The following CCDC192 variants were observed in gnomAD, a reference collection of about 807,000 sequenced individuals.
CCDC192 encodes coiled-coil domain containing 192.
chr5:127,731,902 C>T (rs1752660421), intron 2 of CCDC192, among the ~76,000 whole-genome samples: 2 of 152,102 alleles, frequency 1.3e-5, no homozygotes, highest in Non-Finnish European at 2.9e-5. Flanking sequence ...ACTATAACAT[C>T]CCAAACAGAA....
At chr5:127,775,040 T>G (rs1755776995) in intron 3 of CCDC192, among the ~76,000 whole-genome samples, 1 of 152,224 alleles carries the variant, frequency 6.6e-6, no homozygotes, top group African/African-American at 2.4e-5. Context: ...TTTATTTCCT[T>G]TTCAGATTGC....
intron 6 of CCDC192, among the ~76,000 whole-genome samples, chr5:127,914,582 C>A (rs1186359322): frequency 6.6e-6 from 1 of 152,026 alleles, no homozygotes. Flanking sequence ...GATTGTGAAC[C>A]TGTACAAATG....
intron 2 of CCDC192, among the ~76,000 whole-genome samples, chr5:127,729,067 T>C (rs1752493794): frequency 6.6e-6 from 1 of 152,094 alleles, no homozygotes; most frequent in South Asian, 2.1e-4. Flanking sequence ...CCACCACGCC[T>C]GGCTAATTTT....
Position 127,875,554 on chromosome 5 carries a change from A to G in CCDC192, c.428A>G (p.Lys143Arg). The G allele has an allele frequency of 2.5e-6, 1 of 398,804 alleles. No individual in the cohort carries two copies. The highest frequency in any genetic ancestry group is 4.4e-6 in the Non-Finnish European group (1 of 225,990). 24.7% of individuals were successfully genotyped at this position (398,804 alleles called of 1,614,324 possible). A position where few individuals can be genotyped will look rare whatever the true frequency, so the allele number is the denominator to read the frequency against. The change falls in exon 6 of 7, where the codon AAG (lysine) becomes AGG (arginine). Residue 143 changes from lysine to arginine, a missense_variant. Coordinates refer to ENST00000514853, the MANE Select transcript of CCDC192 (RefSeq NM_001317938.2). ...TTTTTTAAGAAACTAAAGCATGAAA[A>G]GAAAGTGAAAAAACTACAGACTGAT... ...QLIAQKLKHE[K>R]KVKKLQTDLA...
At chr5:127,776,024 T>C (rs1210707503) in intron 3 of CCDC192, among the ~76,000 whole-genome samples, 3 of 152,224 alleles carry the variant, frequency 2.0e-5, no homozygotes, top group African/African-American at 7.2e-5. Context: ...TACAGACTAA[T>C]ACAGTAAATT....
intron 5 of CCDC192, among the ~76,000 whole-genome samples, chr5:127,846,493 G>T (rs1237021744): frequency 6.6e-6 from 1 of 151,772 alleles, no homozygotes; most frequent in Non-Finnish European, 1.5e-5. Flanking sequence ...TTTTGAGAAG[G>T]AGTTTCACTC....
intron 6 of CCDC192, among the ~76,000 whole-genome samples, chr5:127,889,742 T>G (rs1752676589): frequency 6.6e-6 from 1 of 152,226 alleles, no homozygotes; most frequent in African/African-American, 2.4e-5. Flanking sequence ...CCTACCCCAG[T>G]TGGCACGCTG....
intron 6 of CCDC192, among the ~76,000 whole-genome samples, chr5:127,915,000 A>G (rs1753478355): frequency 6.6e-6 from 1 of 152,194 alleles, no homozygotes; most frequent in Non-Finnish European, 1.5e-5. Flanking sequence ...AAATTACATT[A>G]TTCCTGACAA....
chr5:127,884,159 C>T (rs368976022), intron 6 of CCDC192, among the ~76,000 whole-genome samples: 3 of 151,730 alleles, frequency 2.0e-5, no homozygotes, highest in Admixed American at 6.6e-5. Flanking sequence ...CTAGCTAACA[C>T]GGTGAAACCC....
intron 5 of CCDC192, among the ~76,000 whole-genome samples, chr5:127,828,001 G>A (rs1421894122): frequency 6.6e-6 from 1 of 152,098 alleles, no homozygotes; most frequent in African/African-American, 2.4e-5. Flanking sequence ...CTGCCTCCCA[G>A]GTTCAAGCGA....
intron 3 of CCDC192, among the ~76,000 whole-genome samples, chr5:127,792,745 GAGA>G (rs1252555599): frequency 6.6e-6 from 1 of 151,126 alleles, no homozygotes; most frequent in East Asian, 1.9e-4. Flanking sequence ...GAAGGAAAAG[GAGA>G]AGGAGAAAGA....
rs147871886 is a variant in CCDC192 at position 127,816,374 on chromosome 5, C to T, written c.411+18212C>T. On this transcript the variant is annotated intron_variant, in intron 5 of 6. Coordinates refer to ENST00000514853, the MANE Select transcript of CCDC192 (RefSeq NM_001317938.2). ...TAAGCAAATTTGGGATAAGCTTGTA[C>T]TTAGTTTAGCTTTAGTGGGGCTTCT... is the stretch of plus-strand genomic sequence containing the variant. Among the ~76,000 whole-genome samples the T allele has an allele frequency of 1.2e-4, 19 of 152,242 alleles. No homozygotes were observed. The East Asian group carries it at 2.5e-3, about 20-fold the overall frequency.
intron 5 of CCDC192, among the ~76,000 whole-genome samples, chr5:127,854,224 A>G (rs245190): frequency 0.97 from 146,957 of 152,240 alleles, 70,977 homozygotes; most frequent in East Asian, 1. Flanking sequence ...TCAATCCTAC[A>G]CATTTTTTCT....
At chr5:127,815,860 T>C (rs547922389) in intron 5 of CCDC192, among the ~76,000 whole-genome samples, 283 of 151,186 alleles carry the variant, frequency 1.9e-3, no homozygotes, top group Non-Finnish European at 3.3e-3. Flanking sequence ...AGAGCGAGAC[T>C]CTGTCTGAAA....
intron 3 of CCDC192, among the ~76,000 whole-genome samples, chr5:127,772,971 G>C (rs748728307): frequency 9.2e-5 from 14 of 152,046 alleles, no homozygotes; most frequent in Admixed American, 3.9e-4. Context: ...GACTTACTGA[G>C]GTTGTCATTT....
At chr5:127,781,438 A>C (rs1348465058) in intron 3 of CCDC192, among the ~76,000 whole-genome samples, 1 of 152,106 alleles carries the variant, frequency 6.6e-6, no homozygotes, top group Non-Finnish European at 1.5e-5. Flanking sequence ...TCATTTTCAC[A>C]ATATTGATTC....
chr5:127,805,797 A>G (rs886431521), intron 5 of CCDC192, among the ~76,000 whole-genome samples: 2 of 152,204 alleles, frequency 1.3e-5, no homozygotes, highest in Non-Finnish European at 2.9e-5. Flanking sequence ...TGGTTAGATT[A>G]TCTGCACTGG....
chr5:127,936,980 A>G (rs543427681), intron 6 of CCDC192, among the ~76,000 whole-genome samples: 4 of 151,972 alleles, frequency 2.6e-5, no homozygotes, highest in African/African-American at 7.2e-5. Context: ...ATTCTAGAAA[A>G]CTCACTGGGG....
rs139434246 is a variant in CCDC192 at position 127,884,907 on chromosome 5, T to C, written c.535+9246T>C. 2.3e-3 allele frequency among the ~76,000 whole-genome samples: 343 copies of C among 152,280 alleles called. 2 individuals are homozygous for C. Among genetic ancestry groups the C allele is most frequent in the African/African-American group, 8.0e-3 (332 of 41,552 alleles). The stretch of plus-strand genomic sequence containing the variant: ...CGAGAGGTCTGGAAATCTATTTATT[T>C]TGTAATTAACAAAGGGCAAAAAGAT... On this transcript the variant is annotated intron_variant, in intron 6 of 6. Transcript: ENST00000514853.
Sources: gnomAD v4.1 joint callset for allele counts (sites outside exome capture counted in the v4.1 genomes callset) on GRCh38, gnomAD v4.1.1 for gene constraint, MANE v1.5 for transcripts, NCBI Gene and HGNC (gene_info 2026-07-23, HGNC 2026-07-21) for gene names.